RAPGEF6: variants seen among roughly 807,000 people sequenced by gnomAD.
The protein encoded by RAPGEF6 is Rap guanine nucleotide exchange factor 6.
In RAPGEF6, 56 loss-of-function variants were observed where a neutral mutation model predicts 171.4. The ratio of observed to expected loss-of-function variants is 0.33; its 90% CI spans 0.26 to 0.41. The LOEUF (loss-of-function observed/expected upper bound fraction) is 0.41. RAPGEF6 is among the 10% of genes least tolerant of loss of function. The pLI is 1.00. For synonymous variants in RAPGEF6, 692 were observed against 650.1 expected (o/e 1.06, Z -0.98); for missense variants, 1,674 against 1,921.4 (o/e 0.87, Z 2.41).
chr5:131,602,239 A>T (rs1413603055), intron 3 of RAPGEF6, among the ~76,000 whole-genome samples: 1 of 152,184 alleles, frequency 6.6e-6, no homozygotes, highest in Non-Finnish European at 1.5e-5. Context: ...CCTACTATAC[A>T]TCTAGGTTAT....
chr5:131,624,082 T>C (rs1765760853), intron 1 of RAPGEF6, among the ~76,000 whole-genome samples: 1 of 152,156 alleles, frequency 6.6e-6, no homozygotes, highest in Admixed American at 6.5e-5. Flanking sequence ...AGAGGATGGT[T>C]TTCCAGACAG....
At chr5:131,560,089 C>T (rs556655983) in intron 5 of RAPGEF6, among the ~76,000 whole-genome samples, 1 of 152,032 alleles carries the variant, frequency 6.6e-6, no homozygotes, top group African/African-American at 2.4e-5. Flanking sequence ...TAAAATTATA[C>T]CAATCATCAA....
At chr5:131,462,713 A>G (rs996245858) in intron 18 of RAPGEF6, among the ~76,000 whole-genome samples, 1 of 152,238 alleles carries the variant, frequency 6.6e-6, no homozygotes, top group Non-Finnish European at 1.5e-5. Flanking sequence ...ACAATTCTAC[A>G]GCACTTAAAA....
chr5:131,631,526 CT>C (rs1367984751), intron 1 of RAPGEF6, among the ~76,000 whole-genome samples: 1 of 152,202 alleles, frequency 6.6e-6, no homozygotes, highest in Non-Finnish European at 1.5e-5. Context: ...ACTTCCATTA[CT>C]ATCACTATCA....
intron 7 of RAPGEF6, among the ~76,000 whole-genome samples, chr5:131,516,786 A>T (rs1758113459): frequency 1.3e-5 from 2 of 152,226 alleles, no homozygotes; most frequent in African/African-American, 4.8e-5. Context: ...TGTATACTTT[A>T]AAATTTTAAT....
intron 1 of RAPGEF6, among the ~76,000 whole-genome samples, chr5:131,613,461 G>A (rs1243331574): frequency 7.2e-6 from 1 of 137,960 alleles, no homozygotes; most frequent in South Asian, 2.4e-4. Flanking sequence ...ATATATATAT[G>A]TATGTATGTC....
intron 1 of RAPGEF6, among the ~76,000 whole-genome samples, chr5:131,606,029 C>CAAAAAAAAAA (rs1168486376): frequency 6.9e-4 from 49 of 70,532 alleles, no homozygotes; most frequent in African/African-American, 1.8e-3. Context: ...GACTCCATCT[C>CAAAAAAAAAA]AAAAAAAAAA....
chr5:131,521,485 T>C lies in RAPGEF6; in HGVS notation c.532A>G (p.Asn178Asp), dbSNP rs1758474737. The C allele has an allele frequency of 6.2e-7, 1 of 1,612,340 alleles. No individual in the cohort carries two copies. The highest frequency in any genetic ancestry group is 8.5e-7 in the Non-Finnish European group (1 of 1,179,002). The stretch of plus-strand genomic sequence containing the variant: ...ACATGAGTCACCTGTGGATGAGGGT[T>C]TTCTGTGAGATGCATCTTGGTAAGA... ...ADLTKMHLTE[N>D]PHPQVTHVSS... The change falls in exon 7 of 28, where the codon AAC becomes GAC. Residue 178 changes from asparagine (N) to aspartate (D), a missense_variant. Asn to Asp is a conservative substitution (Grantham distance 23). Coordinates refer to ENST00000509018, the MANE Select transcript of RAPGEF6 (RefSeq NM_016340.6).
At chr5:131,591,492 T>C (rs903619861) in intron 4 of RAPGEF6, among the ~76,000 whole-genome samples, 6 of 152,152 alleles carry the variant, frequency 3.9e-5, no homozygotes, top group African/African-American at 1.4e-4. Flanking sequence ...TTATGCTCAT[T>C]TTACAAATGA....
At chr5:131,466,792 GGA>G (rs1754382294) in intron 17 of RAPGEF6, among the ~76,000 whole-genome samples, 2 of 152,072 alleles carry the variant, frequency 1.3e-5, no homozygotes, top group South Asian at 4.1e-4. Context: ...GCATGAAAAC[GGA>G]CTAATATACC....
At chr5:131,516,671 T>C (rs988274412) in intron 7 of RAPGEF6, among the ~76,000 whole-genome samples, 1 of 152,210 alleles carries the variant, frequency 6.6e-6, no homozygotes, top group South Asian at 2.1e-4. Context: ...TGGAAAAGAC[T>C]GAAATAAATA....
intron 20 of RAPGEF6, 46 bp from the exon 21 acceptor site, chr5:131,453,223 C>T: frequency 6.5e-7 from 1 of 1,536,054 alleles, no homozygotes; most frequent in Non-Finnish European, 8.8e-7. Context: ...AAATTATCTA[C>T]ATAAAAGTAG....
chr5:131,436,410 A>T, intron 24 of RAPGEF6: 1 of 1,509,680 alleles, frequency 6.6e-7, no homozygotes, highest in Non-Finnish European at 8.9e-7. Context: ...AAACCCTGAC[A>T]TGGTCAATCA....
chr5:131,589,272 A>G (rs1286602423), intron 4 of RAPGEF6, among the ~76,000 whole-genome samples: 1 of 152,216 alleles, frequency 6.6e-6, no homozygotes, highest in Non-Finnish European at 1.5e-5. Flanking sequence ...AGAAACAAAG[A>G]CTGTAGTAAG....
intron 1 of RAPGEF6, among the ~76,000 whole-genome samples, chr5:131,627,576 G>T (rs958625862): frequency 1.3e-5 from 2 of 152,154 alleles, no homozygotes; most frequent in Non-Finnish European, 1.5e-5. Flanking sequence ...TATAAAGAAT[G>T]GTATTAAATG....
chr5:131,601,111 C>T (rs2150012609), intron 3 of RAPGEF6, among the ~76,000 whole-genome samples: 1 of 148,254 alleles, frequency 6.7e-6, no homozygotes. Context: ...AGGCTGGGAG[C>T]GGTGGCTCAC....
At chr5:131,467,599 G>A (rs1345062376) in intron 17 of RAPGEF6, among the ~76,000 whole-genome samples, 5 of 152,156 alleles carry the variant, frequency 3.3e-5, no homozygotes, top group East Asian at 3.8e-4. Flanking sequence ...AATGTTAATC[G>A]CTTAGATGAA....
chr5:131,486,600 TG>T (rs1381035437), intron 15 of RAPGEF6, among the ~76,000 whole-genome samples: 6 of 152,180 alleles, frequency 3.9e-5, no homozygotes, highest in Admixed American at 3.3e-4. Context: ...TTCCATAGTA[TG>T]GGAGATTTTT....
At chr5:131,634,753 T>G (rs1766528495) in intron 1 of RAPGEF6, among the ~76,000 whole-genome samples, 1 of 152,102 alleles carries the variant, frequency 6.6e-6, no homozygotes, top group Non-Finnish European at 1.5e-5. Context: ...CAAGGACGGG[T>G]ACGCGGGTTA....
Sources: allele counts gnomAD v4.1 joint callset (sites outside exome capture counted in the v4.1 genomes callset), GRCh38; gene constraint gnomAD v4.1.1; transcripts MANE v1.5; gene names NCBI Gene and HGNC (gene_info 2026-07-23, HGNC 2026-07-21).